TAFA1: variants seen among roughly 807,000 people sequenced by gnomAD.
TAFA1 encodes the protein chemokine-like protein TAFA-1.
TAFA1 carries 4 observed loss-of-function variants against 18.5 expected under a neutral mutation model. The observed-to-expected ratio is 0.22, with a 90% CI of 0.11 to 0.49. The LOEUF is 0.49. TAFA1 is among the 20% of genes least tolerant of loss of function. The pLI, the probability that TAFA1 is intolerant of heterozygous loss-of-function variation, is 0.98. For missense variants in TAFA1, 147 were observed against 169.0 expected, an observed-to-expected ratio of 0.87 and a Z score of 0.72; for synonymous variants, 56 against 55.2, an observed-to-expected ratio of 1.01 and a Z score of -0.06.
chr3:68,409,459 AT>A (rs143749023), intron 2 of TAFA1, among the ~76,000 whole-genome samples: 8,349 of 151,994 alleles, frequency 0.055, 624 homozygotes, highest in African/African-American at 0.17. Flanking sequence ...AAATCTGATG[AT>A]TTTAAAAGTG....
the TAFA1 span, among the ~76,000 whole-genome samples, chr3:67,994,636 C>T: frequency 1.4e-4 from 22 of 152,274 alleles, no homozygotes; most frequent in South Asian, 1.0e-3. Context: ...TCCAGGGTGT[C>T]GGCCTCATCC....
At chr3:68,049,330 A>G (rs2064437298) in intron 2 of TAFA1, among the ~76,000 whole-genome samples, 3 of 152,118 alleles carry the variant, frequency 2.0e-5, no homozygotes, top group Admixed American at 6.6e-5. Context: ...CCAGGTGTCT[A>G]TGTGACAGGC....
chr3:68,423,575 C>T (rs2070999374), intron 3 of TAFA1, among the ~76,000 whole-genome samples: 1 of 151,986 alleles, frequency 6.6e-6, no homozygotes, highest in Non-Finnish European at 1.5e-5. Flanking sequence ...CAATACCTGC[C>T]CCTTTTTTTT....
intron 2 of TAFA1, among the ~76,000 whole-genome samples, chr3:68,262,768 A>G (rs1236148904): frequency 1.3e-5 from 2 of 152,128 alleles, no homozygotes; most frequent in African/African-American, 4.8e-5. Context: ...TTTTTAGCAT[A>G]GTGATCTACA....
intron 2 of TAFA1, among the ~76,000 whole-genome samples, chr3:68,179,541 C>T (rs1031162692): frequency 3.3e-5 from 5 of 152,074 alleles, no homozygotes; most frequent in Non-Finnish European, 7.4e-5. Flanking sequence ...TTTCTGTACT[C>T]CTTGTGTTTC....
rs563948266 is a variant in TAFA1, at chr3:68,450,860, T to C, written c.259+33440T>C. 9.2e-5 allele frequency among the ~76,000 whole-genome samples: 14 copies of C among 152,338 alleles called. 1 individual carries two copies. The South Asian group carries it at 2.7e-3, about 29-fold the overall frequency. On this transcript the variant is annotated intron_variant, in intron 3 of 4. Coordinates refer to ENST00000478136, the MANE Select transcript of TAFA1 (RefSeq NM_213609.4). ...TAATTATGATCTGATGTTGTGCTTA[T>C]ATCTCTACTGCAACTAAACTCCCTT...
At chr3:68,293,210 T>A (rs1353471773) in intron 2 of TAFA1, among the ~76,000 whole-genome samples, 1 of 152,158 alleles carries the variant, frequency 6.6e-6, no homozygotes, top group Non-Finnish European at 1.5e-5. Flanking sequence ...AAAATAATCA[T>A]ATGCTGGCAG....
At chr3:68,118,491 A>AG (rs1438054396) in intron 2 of TAFA1, among the ~76,000 whole-genome samples, 1 of 152,122 alleles carries the variant, frequency 6.6e-6, no homozygotes, top group Admixed American at 6.5e-5. Context: ...CCCAGGGGTT[A>AG]GGGACCCCTG....
At chr3:68,173,492 C>T (rs1021225504) in intron 2 of TAFA1, among the ~76,000 whole-genome samples, 2 of 152,138 alleles carry the variant, frequency 1.3e-5, no homozygotes, top group African/African-American at 4.8e-5. Flanking sequence ...GTCAGTGATA[C>T]AGCCACACAT....
In TAFA1 at chr3:68,345,092, T is replaced by C. The variant is rs115314675; in HGVS notation, c.119-72188T>C. On this transcript the variant is annotated intron_variant, in intron 2 of 4. Coordinates refer to ENST00000478136, the MANE Select transcript of TAFA1 (RefSeq NM_213609.4). ...TCATTCATATTTAGATCTCAGGAGA[T>C]TGGCATCATATGGAGTGTAACAAAA... Among the ~76,000 whole-genome samples, 1,018 of 151,324 alleles carry C rather than the reference T, an allele frequency of 6.7e-3. 10 individuals carry two copies. Among genetic ancestry groups the C allele is most frequent in the African/African-American group, 0.024 (971 of 41,198 alleles).
chr3:68,300,526 G>A (rs9820901), intron 2 of TAFA1, among the ~76,000 whole-genome samples: 9,615 of 152,148 alleles, frequency 0.063, 472 homozygotes, highest in African/African-American at 0.13. Context: ...TTGGACTTGG[G>A]CTTTTGGGTT....
At chr3:68,286,899 C>G (rs185502817) in intron 2 of TAFA1, among the ~76,000 whole-genome samples, 1 of 152,202 alleles carries the variant, frequency 6.6e-6, no homozygotes, top group South Asian at 2.1e-4. Context: ...GACAGCCAGG[C>G]CCCCTGACAT....
chr3:68,013,790 C>G (rs191919639), intron 2 of TAFA1, among the ~76,000 whole-genome samples: 1 of 152,200 alleles, frequency 6.6e-6, no homozygotes, highest in East Asian at 1.9e-4. Context: ...ATTTCTTTCT[C>G]TTTTCCCAAC....
rs529921867 is a variant in TAFA1 at position 68,428,709 on chromosome 3, A to G, written c.259+11289A>G. On this transcript the variant is annotated intron_variant, in intron 3 of 4. Coordinates refer to ENST00000478136, the MANE Select transcript of TAFA1 (RefSeq NM_213609.4). ...ATTTTCATTATTGCATCATTTTAAT[A>G]ATTGAGGGTAAAATTTATTGGACTA... is the stretch of plus-strand genomic sequence containing the variant. Among the ~76,000 whole-genome samples the G allele has an allele frequency of 2.6e-5, 4 of 152,084 alleles. No homozygotes were observed. The South Asian group carries it at 8.3e-4, about 31-fold the overall frequency.
intron 3 of TAFA1, among the ~76,000 whole-genome samples, chr3:68,471,725 A>G (rs1414964958): frequency 6.6e-6 from 1 of 152,134 alleles, no homozygotes; most frequent in Admixed American, 6.5e-5. Context: ...ACTGACACAA[A>G]TATTAATCTC....
intron 2 of TAFA1, among the ~76,000 whole-genome samples, chr3:68,162,527 C>A (rs1039966810): frequency 3.3e-5 from 5 of 152,096 alleles, no homozygotes; most frequent in Non-Finnish European, 7.3e-5. Context: ...GGTTGGGGAC[C>A]CCTGGTCTGG....
At chr3:68,205,466 C>T (rs961989209) in intron 2 of TAFA1, among the ~76,000 whole-genome samples, 1 of 151,824 alleles carries the variant, frequency 6.6e-6, no homozygotes, top group Non-Finnish European at 1.5e-5. Context: ...AAGGAAGGCA[C>T]AAATTCTCTC....
chr3:68,142,737 C>T lies in TAFA1; in HGVS notation c.118+135993C>T, dbSNP rs185874118. Among the ~76,000 whole-genome samples, 16 of 152,294 alleles carry T rather than the reference C, an allele frequency of 1.1e-4. No individual in the cohort carries two copies. The East Asian group carries it at 2.1e-3, about 20-fold the overall frequency. ...AGAGCACTTTAAATACACCCCATGCCTTGAATTGCTCAGCTCTGAATCTCT... is the reference window on the plus strand; with the variant it reads ...AGAGCACTTTAAATACACCCCATGCTTTGAATTGCTCAGCTCTGAATCTCT... On this transcript the variant is annotated intron_variant, in intron 2 of 4. Transcript: ENST00000478136.
At chr3:68,132,282 A>T (rs1454482685) in intron 2 of TAFA1, among the ~76,000 whole-genome samples, 2 of 152,188 alleles carry the variant, frequency 1.3e-5, no homozygotes, top group African/African-American at 4.8e-5. Flanking sequence ...TATATCATTG[A>T]CGGACATTTG....
Sources: gnomAD v4.1 joint callset for allele counts (sites outside exome capture counted in the v4.1 genomes callset) on GRCh38, gnomAD v4.1.1 for gene constraint, MANE v1.5 for transcripts, NCBI Gene and HGNC (gene_info 2026-07-23, HGNC 2026-07-21) for gene names.